Variants in BPIFC observed in about 807,000 individuals in gnomAD.
BPIFC encodes BPI fold containing family C.
A neutral mutation model predicts 57.6 loss-of-function variants in BPIFC; 60 were observed. The observed-to-expected ratio is 1.04, with a 90% CI of 0.85 to 1.29. BPIFC has a LOEUF of 1.29. BPIFC is among the 50% of genes most tolerant of loss of function. The pLI, the probability that BPIFC is intolerant of heterozygous loss-of-function variation, is 0.00. For missense variants in BPIFC, 581 were observed against 600.5 expected (o/e 0.97, Z 0.34); for synonymous variants, 243 against 224.5 (o/e 1.08, Z -0.74).
chr22:32,439,333 A>T (rs1426215952), intron 8 of BPIFC, among the ~76,000 whole-genome samples: 1 of 152,124 alleles, frequency 6.6e-6, no homozygotes, highest in African/African-American at 2.4e-5. Context: ...CTAAAAAAAA[A>T]AAAATAAATG....
At position 32,417,136 on chromosome 22, in the gene BPIFC, C is replaced by A; in HGVS notation, c.1273G>T (p.Glu425Ter). 6.3e-7 allele frequency: 1 copy of A among 1,590,704 alleles called. No individual in the cohort carries two copies. Among genetic ancestry groups the A allele is most frequent in the East Asian group, 2.3e-5 (1 of 44,100 alleles). Reference protein sequence around the residue: ...NRSNIEVLRFENILSSILHFG... With the variant: ...NRSNIEVLRF ...TGAAGAATGGACGATAGAATATTTT[C>A]AAACCTCAAGACCTAAAATAAAAGA... Residue 425 changes from glutamate (E) to a stop codon, truncating the protein, a stop_gained, in exon 15 of 17, where the codon GAA becomes TAA. Coordinates refer to ENST00000300399, the MANE Select transcript of BPIFC (RefSeq NM_174932.3). LOFTEE classifies it high-confidence loss of function.
rs139353575 is a variant in BPIFC at position 32,442,974 on chromosome 22, A to G, written c.595-243T>C. ...TAGCACTACATCCAATCAGCCCTGT[A>G]AAGAGTGAGTGAGCCCTTGTCGTTT... On this transcript the variant is annotated intron_variant, in intron 7 of 16. Coordinates refer to ENST00000300399, the MANE Select transcript of BPIFC (RefSeq NM_174932.3). Among the ~76,000 whole-genome samples the G allele has an allele frequency of 3.0e-3, 455 of 152,236 alleles. 4 individuals carry two copies. Among genetic ancestry groups the G allele is most frequent in the African/African-American group, 0.011 (441 of 41,540 alleles).
At chr22:32,414,558 G>T in intron 16 of BPIFC, 133 bp from the exon 17 acceptor site, 1 of 1,152,842 alleles carries the variant, frequency 8.7e-7, no homozygotes, top group Non-Finnish European at 1.2e-6. Flanking sequence ...CTGTCGCCCA[G>T]GCTGGAGTGT....
chr22:32,435,439 C>T (rs373591899), intron 10 of BPIFC, among the ~76,000 whole-genome samples: 2 of 152,026 alleles, frequency 1.3e-5, no homozygotes, highest in African/African-American at 2.4e-5. Flanking sequence ...GCTGCTCAAC[C>T]GGTAAGTATA....
intron 8 of BPIFC, among the ~76,000 whole-genome samples, chr22:32,440,630 G>A (rs1337717851): frequency 1.3e-5 from 2 of 152,136 alleles, no homozygotes; most frequent in Admixed American, 1.3e-4. Flanking sequence ...TTGTTCTTAG[G>A]TTCTTTCCCA....
At chr22:32,447,839 C>A (rs1045285440) in intron 4 of BPIFC, among the ~76,000 whole-genome samples, 4 of 151,962 alleles carry the variant, frequency 2.6e-5, no homozygotes, top group African/African-American at 9.7e-5. Flanking sequence ...GAACTCCTGG[C>A]CTCCAGCAAG....
Position 32,432,520 on chromosome 22 carries a change from G to A in BPIFC, c.1002C>T (p.Ser334=). 1 of 1,614,074 alleles carries A rather than the reference G, an allele frequency of 6.2e-7. No individual in the cohort carries two copies. Among genetic ancestry groups the A allele is most frequent in the Non-Finnish European group, 8.5e-7 (1 of 1,180,016 alleles). The change falls in exon 12 of 17, where the codon TCC becomes TCT. Residue 334 remains serine (S), a synonymous_variant. Transcript: ENST00000300399. Reference sequence around the variant, plus strand: ...CCATGATCCTCACCATGAAGGGCTGGGACAAGATGTAGATCTCTGCAATCT... The same window carrying A: ...CCATGATCCTCACCATGAAGGGCTGAGACAAGATGTAGATCTCTGCAATCT... ...LSRIAEIYIL[S]QPFMVRIMAT... is the part of the protein sequence containing the mutation.
chr22:32,445,734 A>G (rs1601472859), intron 6 of BPIFC, 36 bp from the exon 7 acceptor site: 1 of 1,531,740 alleles, frequency 6.5e-7, no homozygotes, highest in Non-Finnish European at 8.8e-7. Flanking sequence ...AAAAAAAAAA[A>G]AGAGGTTACT....
intron 8 of BPIFC, among the ~76,000 whole-genome samples, chr22:32,439,154 C>T (rs1934492447): frequency 6.6e-6 from 1 of 151,744 alleles, no homozygotes. Flanking sequence ...GGAGAAACCC[C>T]ATCTCTACTA....
At chr22:32,417,568 G>A (rs28640241) in intron 14 of BPIFC, among the ~76,000 whole-genome samples, 18,886 of 152,126 alleles carry the variant, frequency 0.12, 1,586 homozygotes, top group Non-Finnish European at 0.19. Context: ...CTTTTCAGAG[G>A]GATAATAGCT....
intron 13 of BPIFC, among the ~76,000 whole-genome samples, chr22:32,419,718 AT>A (rs1259929207): frequency 6.7e-6 from 1 of 148,832 alleles, no homozygotes; most frequent in Non-Finnish European, 1.5e-5. Context: ...AAGCAGGAGA[AT>A]TGCTTGAACC....
Position 32,445,885 on chromosome 22 carries a change from G to C in BPIFC, c.486C>G (p.Tyr162Ter). 1 of 1,614,132 alleles carries C rather than the reference G, an allele frequency of 6.2e-7. No homozygotes were observed. The highest frequency in any genetic ancestry group is 1.1e-5 in the South Asian group (1 of 91,080). The change falls in exon 6 of 17, where the codon TAC becomes TAG. Residue 162 changes from tyrosine (Y) to a stop codon, truncating the protein, a stop_gained. Coordinates refer to ENST00000300399, the MANE Select transcript of BPIFC (RefSeq NM_174932.3). LOFTEE classifies it high-confidence loss of function. ...GHPTLKLQDC[Y>*]AQLSHAHVSF... ...AGACGTGGGCATGGCTCAGTTGGGCGTAGCAATCTTGGAGCTTCAGGGTAG... is the reference window on the plus strand; with the variant it reads ...AGACGTGGGCATGGCTCAGTTGGGCCTAGCAATCTTGGAGCTTCAGGGTAG...
rs1934378027 is a variant in BPIFC at position 32,435,846 on chromosome 22, G to A, written c.782C>T (p.Pro261Leu). ...CACAAAAGGAACTGGTGAGAAGGGG[G>A]GGTCGGTGAGGTTTTCCAGTGGGTA... ...VFYPLENLTD[P>L]PFSPVPFVLP... The change falls in exon 10 of 17, where the codon CCC becomes CTC. Residue 261 changes from proline (P) to leucine (L), a missense_variant. Pro to Leu is a moderately conservative substitution (Grantham distance 98). Transcript: ENST00000300399. 5.0e-6 allele frequency: 8 copies of A among 1,614,128 alleles called. No homozygotes were observed. The East Asian group carries it at 1.1e-4, about 22-fold the overall frequency.
At chr22:32,451,814 TTAAA>T (rs1934902867) in intron 4 of BPIFC, among the ~76,000 whole-genome samples, 1 of 152,208 alleles carries the variant, frequency 6.6e-6, no homozygotes, top group South Asian at 2.1e-4. Flanking sequence ...ATTACTGTAA[TTAAA>T]TAATTAGTTT....
rs373017549 is a variant in BPIFC at position 32,431,303 on chromosome 22, A to G, written c.1217+44T>C. 3.2e-4 allele frequency: 487 copies of G among 1,505,092 alleles called. 2 individuals are homozygous for G. The highest frequency in any genetic ancestry group is 4.3e-4 in the Non-Finnish European group (462 of 1,082,186). The allele number at this position is 1,505,092 out of a possible 1,614,324, so 93.2% of individuals were successfully genotyped here. On this transcript the variant is annotated intron_variant, in intron 13 of 16. Transcript: ENST00000300399. ...CACTTTGTCTCTGATCAGTTGACTC[A>G]CTTATTACTAAGGTGCCCCAACAGT... is the stretch of plus-strand genomic sequence containing the variant.
chr22:32,452,955 C>G (rs546450227), intron 4 of BPIFC, among the ~76,000 whole-genome samples: 1 of 152,178 alleles, frequency 6.6e-6, no homozygotes, highest in Admixed American at 6.5e-5. Flanking sequence ...ACTTTCTTCC[C>G]TGAACATTCC....
At chr22:32,429,407 C>T (rs1298179026) in intron 13 of BPIFC, among the ~76,000 whole-genome samples, 3 of 151,330 alleles carry the variant, frequency 2.0e-5, no homozygotes, top group Admixed American at 1.3e-4. Flanking sequence ...GGGGTTTCAC[C>T]ATGTTAGCCA....
chr22:32,459,159 G>T (rs936027049), intron 2 of BPIFC, among the ~76,000 whole-genome samples: 1 of 152,188 alleles, frequency 6.6e-6, no homozygotes, highest in Non-Finnish European at 1.5e-5. Context: ...CAGGTGGCAG[G>T]TACCACTGCG....
chr22:32,458,688 C>T (rs565803716), intron 2 of BPIFC, among the ~76,000 whole-genome samples: 47 of 152,246 alleles, frequency 3.1e-4, no homozygotes, highest in African/African-American at 1.0e-3. Flanking sequence ...GCCATGTGTG[C>T]CTTATGGGTT....
Sources: gnomAD v4.1 joint callset for allele counts (sites outside exome capture counted in the v4.1 genomes callset) on GRCh38, gnomAD v4.1.1 for gene constraint, MANE v1.5 for transcripts, NCBI Gene and HGNC (gene_info 2026-07-23, HGNC 2026-07-21) for gene names.